The following KLHL22 variants were observed in gnomAD, a reference collection of about 807,000 sequenced individuals.
KLHL22 encodes kelch like family member 22.
Under a neutral mutation model 60.7 loss-of-function variants are expected in KLHL22, and 18 were observed. The observed-to-expected ratio is 0.30, with a 90% CI of 0.20 to 0.44. The LOEUF is 0.44. KLHL22 is among the 20% of genes least tolerant of loss of function. KLHL22 has a pLI of 1.00. For synonymous variants in KLHL22, 355 were observed against 354.5 expected, an observed-to-expected ratio of 1.00 and a Z score of -0.01; for missense variants, 596 against 852.3, an observed-to-expected ratio of 0.70 and a Z score of 3.74.
chr22:20,495,748 C>T lies in KLHL22; in HGVS notation c.-34+12G>A, dbSNP rs1309954055. 6.6e-6 allele frequency: 1 copy of T among 151,440 alleles called. No individual in the cohort carries two copies. The highest frequency in any genetic ancestry group is 1.5e-5 in the Non-Finnish European group (1 of 67,662). The allele number at this position is 151,440 out of a possible 1,614,324, so 9.4% of individuals were successfully genotyped here. On this transcript the variant is annotated intron_variant, in intron 1 of 6. Coordinates refer to ENST00000328879, the MANE Select transcript of KLHL22 (RefSeq NM_032775.4). This position sits in a 1 kb window ranked among gnomAD's most constrained non-coding sequence, Gnocchi z 4.6. ...GCCGCCCGGCCCGTTCGGCTCACGC[C>T]TCGCAGCTGACCTGGTGCCGCCGCC... is the stretch of plus-strand genomic sequence containing the variant.
chr22:20,450,458 A>G (rs572893619), intron 5 of KLHL22: 2 of 1,604,388 alleles, frequency 1.2e-6, no homozygotes, highest in East Asian at 2.2e-5. Flanking sequence ...TGTCTGCTTC[A>G]GTTGAAAGGT....
At chr22:20,471,855 C>T (rs2053332234) in intron 2 of KLHL22, among the ~76,000 whole-genome samples, 2 of 152,180 alleles carry the variant, frequency 1.3e-5, no homozygotes, top group African/African-American at 4.8e-5. Flanking sequence ...CTCCAGAGCA[C>T]ATTTCAAAGC....
chr22:20,465,898 C>T lies in KLHL22; in HGVS notation c.394-322G>A, dbSNP rs908352448. On this transcript the variant is annotated intron_variant, in intron 3 of 6. Transcript: ENST00000328879. This position sits in a 1 kb window ranked among gnomAD's most constrained non-coding sequence, Gnocchi z 4.9. The stretch of plus-strand genomic sequence containing the variant: ...TGGCAGAATCTCGGCTCACTAACAC[C>T]TCCCCCTCCCGGGTTGAAATGATTC... Among the ~76,000 whole-genome samples the T allele has an allele frequency of 1.2e-4, 19 of 152,054 alleles. No homozygotes were observed. The highest frequency in any genetic ancestry group is 4.6e-4 in the African/African-American group (19 of 41,402).
intron 6 of KLHL22, among the ~76,000 whole-genome samples, chr22:20,445,368 T>C (rs1398933765): frequency 1.3e-5 from 2 of 151,742 alleles, no homozygotes; most frequent in African/African-American, 2.4e-5. Flanking sequence ...TCACCGCACC[T>C]GGCTAATTTT....
chr22:20,495,601 C>T lies in KLHL22; in HGVS notation c.-34+159G>A, dbSNP rs1601402691. 6.7e-6 allele frequency among the ~76,000 whole-genome samples: 1 copy of T among 150,232 alleles called. No individual in the cohort carries two copies. Among genetic ancestry groups the T allele is most frequent in the African/African-American group, 2.4e-5 (1 of 41,262 alleles). ...TCCCCGCCACGTCAGGCCGCGGGCTCTCCTCAGGTCGCCGCCCCCGAGCCT... is the reference window on the plus strand; with the variant it reads ...TCCCCGCCACGTCAGGCCGCGGGCTTTCCTCAGGTCGCCGCCCCCGAGCCT... On this transcript the variant is annotated intron_variant, in intron 1 of 6. Transcript: ENST00000328879. The surrounding 1 kb of genome is among the most constrained non-coding windows in gnomAD (Gnocchi z 4.6).
At position 20,457,637 on chromosome 22, in the gene KLHL22, T is replaced by C. The variant is rs202145187; in HGVS notation, c.1305+171A>G. ...CCCCAGGTGGACTGGCTGAACCTCA[T>C]GGGGCCTCATCAATGCATTCAATGC... On this transcript the variant is annotated intron_variant, in intron 5 of 6. Coordinates refer to ENST00000328879, the MANE Select transcript of KLHL22 (RefSeq NM_032775.4). Among the ~76,000 whole-genome samples, 3 of 152,208 alleles carry C rather than the reference T, an allele frequency of 2.0e-5. No individual in the cohort carries two copies. In the East Asian group the frequency reaches 5.8e-4, roughly 29 times the overall value.
intron 5 of KLHL22, among the ~76,000 whole-genome samples, chr22:20,456,812 AAAGTCT>A (rs2053069761): frequency 6.6e-6 from 1 of 151,558 alleles, no homozygotes; most frequent in African/African-American, 2.4e-5. Flanking sequence ...CCCTGAAGTC[AAAGTCT>A]AAGTCCCTGG....
At chr22:20,456,862 G>C (rs1480328173) in intron 5 of KLHL22, among the ~76,000 whole-genome samples, 6 of 152,236 alleles carry the variant, frequency 3.9e-5, no homozygotes, top group Non-Finnish European at 8.8e-5. Flanking sequence ...ACTGGAAAGA[G>C]GCTTACAAAG....
At chr22:20,471,290 G>GTC in intron 3 of KLHL22, 60 bp downstream of exon 3, 1 of 1,529,400 alleles carries the variant, frequency 6.5e-7, no homozygotes, top group South Asian at 1.2e-5. Flanking sequence ...AGGCATCATG[G>GTC]GCATCTCAGG....
intron 2 of KLHL22, among the ~76,000 whole-genome samples, chr22:20,480,880 G>C (rs1418990824): frequency 7.1e-6 from 1 of 141,148 alleles, no homozygotes; most frequent in Non-Finnish European, 1.5e-5. Flanking sequence ...CGCCCAGGCT[G>C]GAATGCAGTG....
At chr22:20,443,926 T>C (rs1162922804) in intron 6 of KLHL22, among the ~76,000 whole-genome samples, 2 of 151,374 alleles carry the variant, frequency 1.3e-5, no homozygotes, top group Non-Finnish European at 2.9e-5. Context: ...CGAACACCTG[T>C]AGTCCTCCTA....
intron 2 of KLHL22, among the ~76,000 whole-genome samples, chr22:20,473,788 T>C (rs1311692760): frequency 6.6e-6 from 1 of 152,106 alleles, no homozygotes; most frequent in Non-Finnish European, 1.5e-5. Flanking sequence ...GGCAGGAGAA[T>C]TGCTTGAACC....
At chr22:20,482,453 C>A (rs541833695) in intron 2 of KLHL22, among the ~76,000 whole-genome samples, 1 of 152,276 alleles carries the variant, frequency 6.6e-6, no homozygotes, top group Admixed American at 6.5e-5. Flanking sequence ...GGCACACTCA[C>A]AACTCATGGC....
At chr22:20,493,880 T>A (rs144135811) in intron 1 of KLHL22, among the ~76,000 whole-genome samples, 4,406 of 149,658 alleles carry the variant, frequency 0.029, 218 homozygotes, top group African/African-American at 0.1. Context: ...CTGGCCAACA[T>A]GAGGAAGCCC....
At chr22:20,450,728 T>G in intron 5 of KLHL22, 1 of 1,358,038 alleles carries the variant, frequency 7.4e-7, no homozygotes, top group Non-Finnish European at 1.1e-6. Context: ...ATCAGTTGGG[T>G]GAAGCATGCC....
intron 2 of KLHL22, among the ~76,000 whole-genome samples, chr22:20,473,967 A>G (rs1028950782): frequency 6.6e-6 from 1 of 152,170 alleles, no homozygotes; most frequent in Non-Finnish European, 1.5e-5. Flanking sequence ...GGGCCACACT[A>G]TCCTCAGGGC....
In KLHL22 at chr22:20,495,128, G is replaced by A. The variant is rs963883886; in HGVS notation, c.-34+632C>T. Reference sequence around the variant, plus strand: ...CCGGAGCGAGGGCGCCCAGTGAGGAGCCCAGGCGGAAGGTGGCGGTGCCCC... The same window carrying A: ...CCGGAGCGAGGGCGCCCAGTGAGGAACCCAGGCGGAAGGTGGCGGTGCCCC... On this transcript the variant is annotated intron_variant, in intron 1 of 6. Coordinates refer to ENST00000328879, the MANE Select transcript of KLHL22 (RefSeq NM_032775.4). This position sits in a 1 kb window ranked among gnomAD's most constrained non-coding sequence, Gnocchi z 4.6. Among the ~76,000 whole-genome samples, 1 of 152,220 alleles carries A rather than the reference G, an allele frequency of 6.6e-6. No individual in the cohort carries two copies. The highest frequency in any genetic ancestry group is 1.5e-5 in the Non-Finnish European group (1 of 68,024).
Position 20,489,082 on chromosome 22 carries a change from G to A in KLHL22, c.130C>T (p.Arg44Trp), listed in dbSNP as rs778466917. ...ACATCGAAGAGGATTCCGCTGTCCC[G>A]GAGAGCCAGCAGCCCTCGGAGCAGA... ...QALLRGLLAL[R>W]DSGILFDVVL... The change falls in exon 2 of 7, where the codon CGG (arginine) becomes TGG (tryptophan). Residue 44 changes from arginine (R) to tryptophan (W), a missense_variant. Transcript: ENST00000328879. The A allele has an allele frequency of 4.3e-6, 7 of 1,614,078 alleles. No individual in the cohort carries two copies. Among genetic ancestry groups the A allele is most frequent in the South Asian group, 2.2e-5 (2 of 91,086 alleles).
At chr22:20,468,640 A>G (rs1444910517) in intron 3 of KLHL22, among the ~76,000 whole-genome samples, 1 of 152,206 alleles carries the variant, frequency 6.6e-6, no homozygotes, top group Non-Finnish European at 1.5e-5. Flanking sequence ...AAAACCTGCT[A>G]TAAAACAATA....
Sources: allele counts gnomAD v4.1 joint callset (sites outside exome capture counted in the v4.1 genomes callset), GRCh38; gene constraint gnomAD v4.1.1; non-coding constraint Gnocchi (gnomAD v3.1); transcripts MANE v1.5; gene names NCBI Gene and HGNC (gene_info 2026-07-23, HGNC 2026-07-21).